The following ARMCX4 variants were observed in gnomAD, a reference collection of about 807,000 sequenced individuals.
ARMCX4 encodes the protein armadillo repeat-containing X-linked protein 4.
A neutral mutation model predicts 34.7 loss-of-function variants in ARMCX4; 3 were observed. The ratio of observed to expected loss-of-function variants is 0.09; its 90% CI spans 0.04 to 0.22. ARMCX4 has a LOEUF of 0.22. Among genes scored for constraint, ARMCX4 ranks in the 10% least tolerant of loss-of-function variants. ARMCX4 has a pLI of 1.00. For missense variants in ARMCX4, 1,448 were observed against 1,720.8 expected (o/e 0.84, Z 2.81); for synonymous variants, 513 against 632.8 (o/e 0.81, Z 2.84).
rs1933654444 is a variant in ARMCX4 at position 101,485,466 on chromosome X, G to A, written c.-501G>A. Reference sequence around the variant, plus strand: ...TTCGTTGCAGTCGTCACTCGCATCTGGCTACCAGCTCCCCGCTGCCCTGCG... The same window carrying A: ...TTCGTTGCAGTCGTCACTCGCATCTAGCTACCAGCTCCCCGCTGCCCTGCG... On this transcript the variant is annotated 5_prime_UTR_variant, in exon 1 of 6. Coordinates refer to ENST00000423738, the MANE Select transcript of ARMCX4 (RefSeq NM_001256155.3). The A allele has an allele frequency of 2.9e-6, 2 of 693,051 alleles. No individual in the cohort carries two copies. The highest frequency in any genetic ancestry group is 2.4e-5 in the African/African-American group (1 of 42,168). 57.1% of individuals were successfully genotyped at this position (693,051 alleles called of 1,213,427 possible).
chrX:101,420,493 G>A (rs782590270), intron 2 of ARMCX4, among the ~76,000 whole-genome samples: 1 of 112,269 alleles, frequency 8.9e-6, no homozygotes, highest in Non-Finnish European at 1.9e-5. Flanking sequence ...GAGCCAAGTA[G>A]CAAGCAAATA....
intron 2 of ARMCX4, among the ~76,000 whole-genome samples, chrX:101,441,119 C>T (rs1336279733): frequency 9.0e-6 from 1 of 111,105 alleles, no homozygotes; most frequent in African/African-American, 3.3e-5. Context: ...TTGGCTCCAC[C>T]CCCCGGGACT....
At position 101,495,125 on chromosome X, in the gene ARMCX4, C is replaced by T; in HGVS notation, c.6536C>T (p.Thr2179Ile). ...TTGTTAACGGTGGGAAGTGGAGAAA[C>T]TAAAGACCATGTTTTGGGAATGCTT... Reference protein sequence around the residue: ...LRLLTVGSGETKDHVLGMLLN... With the variant: ...LRLLTVGSGEIKDHVLGMLLN... The change falls in exon 6 of 6, where the codon ACT (threonine) becomes ATT (isoleucine). Residue 2179 changes from threonine to isoleucine, a missense_variant. By Grantham distance (89) the Thr-to-Ile change is moderately conservative. Coordinates refer to ENST00000423738, the MANE Select transcript of ARMCX4 (RefSeq NM_001256155.3). 8.7e-7 allele frequency: 1 copy of T among 1,155,489 alleles called. No homozygotes were observed. The highest frequency in any genetic ancestry group is 1.1e-6 in the Non-Finnish European group (1 of 872,462).
In ARMCX4 at chrX:101,489,863, A is replaced by G. The variant is rs181907930; in HGVS notation, c.1274A>G (p.Asn425Ser). 48 of 1,155,041 alleles carry G rather than the reference A, an allele frequency of 4.2e-5. No homozygotes were observed. Among genetic ancestry groups the G allele is most frequent in the South Asian group, 2.5e-4 (13 of 52,623 alleles). ...AAGGTTAAGAACAGAGGCAATCCCA[A>G]TGCCATGACTAAAGCAGGGGCCAAG... ...DAKVKNRGNP[N>S]AMTKAGAKAN... Residue 425 changes from asparagine (N) to serine (S), a missense_variant, in exon 6 of 6, where the codon AAT (asparagine) becomes AGT (serine). Transcript: ENST00000423738.
chrX:101,521,969 A>G (rs1200857215), intron 11 of ARMCX4, among the ~76,000 whole-genome samples: 3 of 110,994 alleles, frequency 2.7e-5, no homozygotes, highest in Admixed American at 1.9e-4. Context: ...AAGAATATGT[A>G]TTTTTCTGTT....
Position 101,475,383 on chromosome X carries a change from TG to T in ARMCX4, c.-472-10633del, listed in dbSNP as rs367685887. 9.9e-4 allele frequency among the ~76,000 whole-genome samples: 110 copies of T among 110,730 alleles called. 1 individual carries two copies. Among genetic ancestry groups the T allele is most frequent in the African/African-American group, 2.9e-3 (88 of 30,474 alleles). ...AAAAGCTATGAGGGCTGACAAAAGTTGGGGGGGTGTAATACAAATAGAATGC... is the reference window on the plus strand; with the variant it reads ...AAAAGCTATGAGGGCTGACAAAAGTTGGGGGGTGTAATACAAATAGAATGC... On this transcript the variant is annotated intron_variant and NMD_transcript_variant, in intron 4 of 15. Transcript: ENST00000433011.
chrX:101,454,354 C>T (rs781858348), intron 4 of ARMCX4, among the ~76,000 whole-genome samples: 1 of 107,741 alleles, frequency 9.3e-6, no homozygotes, highest in South Asian at 4.2e-4. Flanking sequence ...TGGCTCACTG[C>T]AAGCTCCGCC....
chrX:101,482,054 T>G (rs782345865), upstream of ARMCX4, among the ~76,000 whole-genome samples: 2 of 110,709 alleles, frequency 1.8e-5, no homozygotes, highest in Non-Finnish European at 3.8e-5. Context: ...GCCAACATGG[T>G]GAAACCCAGT....
chrX:101,514,206 A>C (rs1934659095), intron 11 of ARMCX4, among the ~76,000 whole-genome samples: 1 of 111,219 alleles, frequency 9.0e-6, no homozygotes, highest in Admixed American at 9.6e-5. Flanking sequence ...AGAGCATAAG[A>C]TCATGGAGGC....
intron 4 of ARMCX4, among the ~76,000 whole-genome samples, chrX:101,471,835 G>C (rs782564621): frequency 5.2e-4 from 58 of 111,205 alleles, no homozygotes; most frequent in Middle Eastern, 4.6e-3. Context: ...ACCAAAAGTA[G>C]ATAAAACCAC....
chrX:101,455,459 A>G (rs1195943009), intron 4 of ARMCX4, among the ~76,000 whole-genome samples: 3 of 111,232 alleles, frequency 2.7e-5, no homozygotes, highest in African/African-American at 6.5e-5. Context: ...TCATCTTATT[A>G]GATACTCCAC....
At position 101,490,602 on chromosome X, in the gene ARMCX4, G is replaced by T. The variant is rs1167255959; in HGVS notation, c.2013G>T (p.Gln671His). The change falls in exon 6 of 6, where the codon CAG becomes CAT. Residue 671 changes from glutamine (Q) to histidine (H), a missense_variant. Transcript: ENST00000423738. ...GTGCAATGGGCACTGCCCAGCTTCA[G>T]ATTATGGCCAGTTCCAAGGGTGAGG... ...GEGAMGTAQLQIMASSKGEAL... is the reference protein window; with the variant it reads ...GEGAMGTAQLHIMASSKGEAL... The T allele has an allele frequency of 1.7e-6, 2 of 1,156,668 alleles. No homozygotes were observed. Among genetic ancestry groups the T allele is most frequent in the South Asian group, 3.8e-5 (2 of 52,797 alleles).
chrX:101,463,553 GA>G, intron 4 of ARMCX4, among the ~76,000 whole-genome samples: 1 of 111,542 alleles, frequency 9.0e-6, no homozygotes, highest in Non-Finnish European at 1.9e-5. Context: ...TCATTTTAAA[GA>G]AGTGGAAACT....
At chrX:101,512,797 CATATATACACATATATACACAT>C (rs1277031192) in intron 11 of ARMCX4, among the ~76,000 whole-genome samples, 2 of 87,240 alleles carry the variant, frequency 2.3e-5, no homozygotes, top group South Asian at 5.2e-4. Flanking sequence ...CATATATATA[CATATATACACATATATACACAT>C]ATATATACAC....
In ARMCX4 at chrX:101,493,397, A is replaced by T; in HGVS notation, c.4808A>T (p.Asp1603Val). The stretch of plus-strand genomic sequence containing the variant: ...GGAGGCTCCAGGCCAGGGTCTGAGG[A>T]TCAGTCCAGTGGAATAGGTTCCTGG... ...TGGGSRPGSE[D>V]QSSGIGSWGV... is the part of the protein sequence containing the mutation. Residue 1603 changes from aspartate to valine, a missense_variant, in exon 6 of 6, where the codon GAT becomes GTT. Physicochemically the swap from Asp to Val is radical, Grantham distance 152 (BLOSUM62 -3). Around this residue, in one of 2 missense-constraint regions of ARMCX4, gnomAD observed 1,343 missense variants for 1,540.7 expected, o/e 0.87. Transcript: ENST00000423738. 8.7e-7 allele frequency: 1 copy of T among 1,153,385 alleles called. No homozygotes were observed. The highest frequency in any genetic ancestry group is 1.1e-6 in the Non-Finnish European group (1 of 872,243).
chrX:101,510,056 T>C (rs782720339), intron 10 of ARMCX4, among the ~76,000 whole-genome samples: 2 of 111,951 alleles, frequency 1.8e-5, no homozygotes, highest in Non-Finnish European at 3.8e-5. Flanking sequence ...CAGTTCCCCT[T>C]TTCCGAAAAC....
chrX:101,483,514 A>C (rs1556005838), upstream of ARMCX4, among the ~76,000 whole-genome samples: 1 of 111,403 alleles, frequency 9.0e-6, no homozygotes, highest in Non-Finnish European at 1.9e-5. Flanking sequence ...TTTGATTTGC[A>C]TTTCTTTGTT....
At chrX:101,521,884 A>G (rs1556019189) in intron 11 of ARMCX4, among the ~76,000 whole-genome samples, 1 of 111,681 alleles carries the variant, frequency 9.0e-6, no homozygotes. Context: ...TATGATTTCA[A>G]TCCTTTTAAA....
At chrX:101,419,582 C>T (rs1014443593) in intron 2 of ARMCX4, among the ~76,000 whole-genome samples, 3 of 111,765 alleles carry the variant, frequency 2.7e-5, no homozygotes, top group Non-Finnish European at 5.6e-5. Flanking sequence ...ATACACTGGC[C>T]TGAGGAAGTA....
Sources: allele counts gnomAD v4.1 joint callset (sites outside exome capture counted in the v4.1 genomes callset), GRCh38; gene constraint gnomAD v4.1.1; regional missense constraint gnomAD v4.1.1; transcripts MANE v1.5; gene names NCBI Gene and HGNC (gene_info 2026-07-23, HGNC 2026-07-21).